Variants in CLEC2A observed in about 807,000 individuals in gnomAD.
CLEC2A encodes the protein keratinocyte-associated C-type lectin.
CLEC2A carries 19 observed loss-of-function variants against 18.6 expected under a neutral mutation model. That is an observed-to-expected ratio of 1.02 (90% CI 0.71 to 1.50). The LOEUF (loss-of-function observed/expected upper bound fraction) is 1.50. Ranked by LOEUF, CLEC2A falls within the 40% of genes most tolerant of loss-of-function variation. The pLI is 0.00. For missense variants in CLEC2A, 190 were observed against 207.9 expected (o/e 0.91, Z 0.53); for synonymous variants, 74 against 64.0 (o/e 1.16, Z -0.75).
At chr12:9,897,544 A>G (rs1245083705), downstream of CLEC2A, among the ~76,000 whole-genome samples, 3 of 151,456 alleles carry the variant, frequency 2.0e-5, no homozygotes, top group Admixed American at 6.6e-5. Context: ...AATTTATCAA[A>G]AGAAAACGCT....
At chr12:9,932,035 T>C (rs1422632070) in intron 1 of CLEC2A, among the ~76,000 whole-genome samples, 2 of 152,212 alleles carry the variant, frequency 1.3e-5, no homozygotes, top group African/African-American at 2.4e-5. Context: ...TATTGAGATA[T>C]AATACACGTA....
chr12:9,902,352 G>T (rs988756404), intron 4 of CLEC2A, among the ~76,000 whole-genome samples: 12 of 151,148 alleles, frequency 7.9e-5, no homozygotes, highest in Non-Finnish European at 1.6e-4. Context: ...TCCTGCCTCA[G>T]CCCCCAAGTA....
At chr12:9,880,096 C>T in the CLEC2A span, among the ~76,000 whole-genome samples, 2 of 152,192 alleles carry the variant, frequency 1.3e-5, no homozygotes, top group Non-Finnish European at 2.9e-5. Flanking sequence ...ACTACAGTCC[C>T]ATTCAGGAGA....
chr12:9,893,591 T>C, the CLEC2A span: 1 of 657,976 alleles, frequency 1.5e-6, no homozygotes, highest in Non-Finnish European at 2.4e-6. Context: ...AGAATTATTT[T>C]TATATTAAAC....
chr12:9,922,025 A>G (rs748952421), intron 3 of CLEC2A, 41 bp downstream of exon 3: 2 of 1,449,182 alleles, frequency 1.4e-6, no homozygotes, highest in South Asian at 2.8e-5. Flanking sequence ...TTTTTATACA[A>G]ACAATCTCTG....
downstream of CLEC2A, among the ~76,000 whole-genome samples, chr12:9,912,470 G>A (rs890409135): frequency 1.2e-4 from 18 of 152,276 alleles, no homozygotes; most frequent in Middle Eastern, 3.4e-3. Flanking sequence ...GATGAAAATA[G>A]GAGCGACAGT....
intron 3 of CLEC2A, 122 bp from the exon 4 acceptor site, chr12:9,916,925 T>A: frequency 1.6e-6 from 1 of 636,974 alleles, no homozygotes; most frequent in Non-Finnish European, 2.8e-6. Context: ...TCCCTGATGC[T>A]TCTATAACAA....
exon 5 of CLEC2A, chr12:9,898,826 A>G: frequency 1.5e-6 from 1 of 686,478 alleles, no homozygotes; most frequent in South Asian, 1.5e-5. Flanking sequence ...AAGGATAAGG[A>G]TGAAGACAGA....
chr12:9,906,020 G>GTTT (rs367651590), intron 4 of CLEC2A, among the ~76,000 whole-genome samples: 9,817 of 82,818 alleles, frequency 0.12, 500 homozygotes, highest in East Asian at 0.3. Flanking sequence ...CCACTTATTA[G>GTTT]TTTTGTTTTT....
intron 3 of CLEC2A, among the ~76,000 whole-genome samples, chr12:9,921,340 G>A (rs1036859734): frequency 3.3e-5 from 5 of 152,064 alleles, no homozygotes; most frequent in Non-Finnish European, 7.4e-5. Flanking sequence ...GCTAATTCTA[G>A]CACTTTGGGA....
the CLEC2A span, among the ~76,000 whole-genome samples, chr12:9,889,908 G>A: frequency 6.6e-6 from 1 of 151,848 alleles, no homozygotes; most frequent in South Asian, 2.1e-4. Context: ...TAAATTGGGG[G>A]TGATAATGAC....
the CLEC2A span, among the ~76,000 whole-genome samples, chr12:9,889,997 G>T: frequency 3.3e-5 from 5 of 151,768 alleles, no homozygotes; most frequent in South Asian, 1.0e-3. Context: ...AGAGAGAATT[G>T]TATAATAAAT....
chr12:9,888,674 A>G, the CLEC2A span: 1 of 961,918 alleles, frequency 1.0e-6, no homozygotes, highest in Non-Finnish European at 1.6e-6. Context: ...ATTCTCATGT[A>G]CCTAGATTGC....
chr12:9,928,523 C>T (rs970403520), intron 1 of CLEC2A, among the ~76,000 whole-genome samples: 4 of 151,846 alleles, frequency 2.6e-5, no homozygotes, highest in Non-Finnish European at 4.4e-5. Context: ...AAACCTCTGC[C>T]CATTTCAAGA....
At chr12:9,882,696 G>A in the CLEC2A span, among the ~76,000 whole-genome samples, 88 of 152,244 alleles carry the variant, frequency 5.8e-4, no homozygotes, top group African/African-American at 2.0e-3. Context: ...CAGGAGAATC[G>A]CTTGAACCCG....
At chr12:9,888,707 A>G in the CLEC2A span, 4 of 1,351,388 alleles carry the variant, frequency 3.0e-6, no homozygotes, top group Non-Finnish European at 4.1e-6. Context: ...AATGTTTCTC[A>G]TATCTTTTCT....
chr12:9,926,176 G>T, intron 2 of CLEC2A, 84 bp downstream of exon 2: 1 of 800,356 alleles, frequency 1.2e-6, no homozygotes, highest in Non-Finnish European at 2.0e-6. Flanking sequence ...CTCTAGATGT[G>T]GGAGATTTGG....
chr12:9,908,852 G>A (rs1401890361), downstream of CLEC2A, among the ~76,000 whole-genome samples: 1 of 152,108 alleles, frequency 6.6e-6, no homozygotes, highest in East Asian at 1.9e-4. Flanking sequence ...TGGAGGTTTG[G>A]GTCATTTATA....
chr12:9,894,126 T>TTCTCTCTCTCTCTCTCTCTCTCTC (rs141327204), downstream of CLEC2A, among the ~76,000 whole-genome samples: 35 of 130,286 alleles, frequency 2.7e-4, no homozygotes, highest in African/African-American at 9.2e-4. Context: ...TTTCTTTTCT[T>TTCTCTCTCTCTCTCTCTCTCTCTC]TCTCTCTCTC....
Sources: allele counts gnomAD v4.1 joint callset (sites outside exome capture counted in the v4.1 genomes callset), GRCh38; gene constraint gnomAD v4.1.1; transcripts MANE v1.5; gene names NCBI Gene and HGNC (gene_info 2026-07-23, HGNC 2026-07-21).